ZNF287: variants seen among roughly 807,000 people sequenced by gnomAD.
The protein encoded by ZNF287 is zinc finger protein with KRAB and SCAN domains 13.
Under a neutral mutation model 73.7 loss-of-function variants are expected in ZNF287, and 31 were observed. The observed-to-expected ratio is 0.42, with a 90% CI of 0.32 to 0.57. ZNF287 has a LOEUF of 0.57. Ranked by LOEUF, ZNF287 falls within the 20% of genes least tolerant of loss-of-function variation. ZNF287 has a pLI of 0.13. For missense variants in ZNF287, 641 were observed against 909.3 expected (o/e 0.70, Z 3.79); for synonymous variants, 301 against 307.2 (o/e 0.98, Z 0.21).
intron 5 of ZNF287, among the ~76,000 whole-genome samples, chr17:16,561,787 A>G (rs933616951): frequency 6.6e-6 from 1 of 152,204 alleles, no homozygotes; most frequent in African/African-American, 2.4e-5. Context: ...GATAGGAGAC[A>G]TGCAAGTAGA....
Position 16,567,668 on chromosome 17 carries a change from A to C in ZNF287, c.64T>G (p.Ser22Ala). 1.2e-6 allele frequency: 2 copies of C among 1,614,114 alleles called. No homozygotes were observed. Among genetic ancestry groups the C allele is most frequent in the Non-Finnish European group, 1.7e-6 (2 of 1,180,012 alleles). ...TAGGGTCCACTCTGAGCCTTGTCTGACTTCCACCTTAGAAGGATTTGAGAA... is the reference window on the plus strand; with the variant it reads ...TAGGGTCCACTCTGAGCCTTGTCTGCCTTCCACCTTAGAAGGATTTGAGAA... ...SRSQILLRWK[S>A]DKAQSGPYNV... Residue 22 changes from serine (S) to alanine (A), a missense_variant, in exon 2 of 6, where the codon TCA becomes GCA. By Grantham distance (99) the Ser-to-Ala change is moderately conservative. Coordinates refer to ENST00000395825, the MANE Select transcript of ZNF287 (RefSeq NM_020653.4).
chr17:16,561,970 C>T (rs1179412043), intron 5 of ZNF287, among the ~76,000 whole-genome samples: 3 of 152,118 alleles, frequency 2.0e-5, no homozygotes, highest in East Asian at 3.8e-4. Flanking sequence ...AGAATGTTCA[C>T]GTTCTTAGGA....
chr17:16,550,780 T>TA lies in ZNF287; in HGVS notation c.*1075dup, dbSNP rs765058401. Among the ~76,000 whole-genome samples, 1 of 152,168 alleles carries TA rather than the reference T, an allele frequency of 6.6e-6. No individual in the cohort carries two copies. Among genetic ancestry groups the TA allele is most frequent in the Non-Finnish European group, 1.5e-5 (1 of 68,032 alleles). On this transcript the variant is annotated 3_prime_UTR_variant, in exon 6 of 6. Coordinates refer to ENST00000395825, the MANE Select transcript of ZNF287 (RefSeq NM_020653.4). ...AGTGGAAGAAATGAACTTTCCATAG[T>TA]AAAACAGTCACAGAGAAACCTAAAG...
In ZNF287 at chr17:16,552,990, C is replaced by T; in HGVS notation, c.1152G>A (p.Leu384=). ...CTTTGGCATGGGTACTTTGGTGTTTCAGGAGGGATGGGTATTTCCTAAATT... is the reference window on the plus strand; with the variant it reads ...CTTTGGCATGGGTACTTTGGTGTTTTAGGAGGGATGGGTATTTCCTAAATT... ...GKKFRKYPSL[L]KHQSTHAKEK... is the part of the protein sequence containing the mutation. Residue 384 remains leucine, a synonymous_variant, in exon 6 of 6, where the codon CTG becomes CTA. Coordinates refer to ENST00000395825, the MANE Select transcript of ZNF287 (RefSeq NM_020653.4). This position sits in a 1 kb window ranked among gnomAD's most constrained non-coding sequence, Gnocchi z 6.5. 6.2e-7 allele frequency: 1 copy of T among 1,614,078 alleles called. No homozygotes were observed. The highest frequency in any genetic ancestry group is 8.5e-7 in the Non-Finnish European group (1 of 1,180,020).
chr17:16,559,572 A>ACACACACACACACAC (rs1555899603), intron 5 of ZNF287, among the ~76,000 whole-genome samples: 1 of 147,390 alleles, frequency 6.8e-6, no homozygotes, highest in African/African-American at 2.5e-5. Context: ...TAAAAGAACT[A>ACACACACACACACAC]ACACACACAC....
chr17:16,557,803 A>G (rs1907173615), intron 5 of ZNF287, among the ~76,000 whole-genome samples: 1 of 152,180 alleles, frequency 6.6e-6, no homozygotes. Context: ...AGGACTACAC[A>G]CTATGTAAGA....
At chr17:16,556,165 G>GACACACACACACACACACACACACAC (rs137989045) in intron 5 of ZNF287, among the ~76,000 whole-genome samples, 31 of 144,310 alleles carry the variant, frequency 2.1e-4, no homozygotes, top group African/African-American at 7.8e-4. Context: ...GACAGACACA[G>GACACACACACACACACACACACACAC]ACACACACAC....
chr17:16,560,863 T>C (rs8068846), intron 5 of ZNF287, among the ~76,000 whole-genome samples: 11,114 of 148,754 alleles, frequency 0.075, 1,382 homozygotes, highest in African/African-American at 0.26. Flanking sequence ...ATTAGCTGGG[T>C]GTAGTGGCGG....
intron 2 of ZNF287, 69 bp downstream of exon 2, chr17:16,567,260 G>A: frequency 6.5e-7 from 1 of 1,535,676 alleles, no homozygotes; most frequent in Non-Finnish European, 8.7e-7. Flanking sequence ...TAAAGGAGCT[G>A]CTCAGATGTG....
intron 5 of ZNF287, chr17:16,558,132 C>T (rs913621368): frequency 6.6e-6 from 1 of 152,036 alleles, no homozygotes; most frequent in Admixed American, 6.6e-5. Context: ...GAATTTGTTC[C>T]CCAGAGAATT....
chr17:16,553,297 C>T lies in ZNF287; in HGVS notation c.845G>A (p.Gly282Asp). Residue 282 changes from glycine to aspartate, a missense_variant, in exon 6 of 6, where the codon GGT (glycine) becomes GAT (aspartate). This residue lies in a region of ZNF287 where 357 missense variants were observed against 442.4 expected (regional missense o/e 0.81). Coordinates refer to ENST00000395825, the MANE Select transcript of ZNF287 (RefSeq NM_020653.4). ...ATCAGTGTGAATTTTCCAGAAGCCA[C>T]CTTTTCCTCGCCTCTCTAGTCTATC... is the stretch of plus-strand genomic sequence containing the variant. ...YDDRLERRGK[G>D]GFWKIHTDER... 1 of 1,613,940 alleles carries T rather than the reference C, an allele frequency of 6.2e-7. No individual in the cohort carries two copies. The highest frequency in any genetic ancestry group is 8.5e-7 in the Non-Finnish European group (1 of 1,179,936).
At chr17:16,555,589 T>C (rs1038604624) in intron 5 of ZNF287, among the ~76,000 whole-genome samples, 31 of 143,268 alleles carry the variant, frequency 2.2e-4, no homozygotes, top group African/African-American at 8.1e-4. Context: ...TGTGCATGCA[T>C]ACACATAACC....
At chr17:16,558,873 A>C (rs1456218546) in intron 5 of ZNF287, 2 of 152,316 alleles carry the variant, frequency 1.3e-5, no homozygotes, top group East Asian at 3.9e-4. Context: ...CCTACTCAGG[A>C]GGCTGAGGAG....
chr17:16,553,377 T>A lies in ZNF287; in HGVS notation c.765A>T (p.Lys255Asn). ...QACTPVEDMS[K>N]LTKEETHTIK... Reference sequence around the variant, plus strand: ...TGGTATGGGTTTCTTCCTTTGTGAGTTTAGACATATCCTCCACTGGAGTAC... The same window carrying A: ...TGGTATGGGTTTCTTCCTTTGTGAGATTAGACATATCCTCCACTGGAGTAC... Residue 255 changes from lysine to asparagine, a missense_variant, in exon 6 of 6, where the codon AAA (lysine) becomes AAT (asparagine). By Grantham distance (94) the Lys-to-Asn change is moderately conservative (BLOSUM62 0). Around this residue, in one of 2 missense-constraint regions of ZNF287, gnomAD observed 357 missense variants for 442.4 expected, o/e 0.81. Coordinates refer to ENST00000395825, the MANE Select transcript of ZNF287 (RefSeq NM_020653.4). 2 of 1,606,380 alleles carry A rather than the reference T, an allele frequency of 1.2e-6. No homozygotes were observed. Among genetic ancestry groups the A allele is most frequent in the Non-Finnish European group, 1.7e-6 (2 of 1,177,042 alleles).
chr17:16,564,284 T>A (rs188056832), intron 3 of ZNF287, among the ~76,000 whole-genome samples: 222 of 152,296 alleles, frequency 1.5e-3, no homozygotes, highest in African/African-American at 5.2e-3. Context: ...CACTGCAGCC[T>A]CAAACTCCTG....
chr17:16,554,442 A>G (rs1016973238), intron 5 of ZNF287, among the ~76,000 whole-genome samples: 7 of 152,084 alleles, frequency 4.6e-5, no homozygotes, highest in Non-Finnish European at 1.0e-4. Context: ...TCAAAGTGTT[A>G]GGGTTACAGA....
At chr17:16,563,656 A>G (rs755966421) in intron 4 of ZNF287, 43 bp downstream of exon 4, 1 of 1,577,064 alleles carries the variant, frequency 6.3e-7, no homozygotes, top group South Asian at 1.2e-5. Context: ...CCCATTTTTA[A>G]TGGGAACAGG....
At position 16,547,072 on chromosome 17, in the gene ZNF287, T is replaced by C. The variant is rs1390688359; in HGVS notation, c.*4784A>G. ...GAGTAAGAATACATTTTCGGGCACA[T>C]GCAAGTGAACTGACACCAGAAGACA... On this transcript the variant is annotated 3_prime_UTR_variant, in exon 6 of 6. Coordinates refer to ENST00000395825, the MANE Select transcript of ZNF287 (RefSeq NM_020653.4). Among the ~76,000 whole-genome samples the C allele has an allele frequency of 6.6e-6, 1 of 152,188 alleles. No homozygotes were observed. The highest frequency in any genetic ancestry group is 1.5e-5 in the Non-Finnish European group (1 of 68,028).
At chr17:16,566,930 T>C (rs1034946707) in intron 2 of ZNF287, among the ~76,000 whole-genome samples, 9 of 152,218 alleles carry the variant, frequency 5.9e-5, no homozygotes, top group African/African-American at 1.7e-4. Context: ...CTAGACCCTT[T>C]CTTCCTTTTT....
Sources: gnomAD v4.1 joint callset for allele counts (sites outside exome capture counted in the v4.1 genomes callset) on GRCh38, gnomAD v4.1.1 for gene constraint, gnomAD v4.1.1 regional missense constraint, Gnocchi (gnomAD v3.1) non-coding constraint, MANE v1.5 for transcripts, NCBI Gene and HGNC (gene_info 2026-07-23, HGNC 2026-07-21) for gene names.